The following PRKCB variants were observed in gnomAD, a reference collection of about 807,000 sequenced individuals.
PRKCB encodes protein kinase C beta type.
Under a neutral mutation model 81.5 loss-of-function variants are expected in PRKCB, and 13 were observed. That is an observed-to-expected ratio of 0.16 (90% confidence interval 0.10 to 0.25). The LOEUF (loss-of-function observed/expected upper bound fraction) is 0.25, where lower values mean the gene tolerates loss of function less well. Among genes scored for constraint, PRKCB ranks in the 10% least tolerant of loss-of-function variants. The probability of loss-of-function intolerance (pLI) is 1.00; values close to 1 mark genes in which losing one functional copy is unlikely to be tolerated. For synonymous variants in PRKCB, 335 were observed against 321.4 expected, an observed-to-expected ratio of 1.04 and a Z score of -0.45; for missense variants, 509 against 875.7, an observed-to-expected ratio of 0.58 and a Z score of 5.29.
intron 12 of PRKCB, among the ~76,000 whole-genome samples, chr16:24,180,296 G>A (rs908471274): frequency 2.0e-5 from 3 of 152,126 alleles, no homozygotes; most frequent in African/African-American, 7.2e-5. Context: ...TGTCCTAGAA[G>A]GTGGCCCAAG....
intron 6 of PRKCB, 24 bp from the exon 7 acceptor site, chr16:24,094,139 T>C: frequency 6.2e-7 from 1 of 1,610,500 alleles, no homozygotes; most frequent in Non-Finnish European, 8.5e-7. Context: ...CCTCCACTGA[T>C]GTCTTTTCTT....
chr16:24,062,946 G>T (rs945362759), intron 5 of PRKCB, among the ~76,000 whole-genome samples: 1 of 151,812 alleles, frequency 6.6e-6, no homozygotes, highest in Non-Finnish European at 1.5e-5. Flanking sequence ...TTCTGATTGA[G>T]TTCAAGCAGT....
At chr16:24,187,093 A>G (rs1210945608) in intron 15 of PRKCB, among the ~76,000 whole-genome samples, 2 of 152,242 alleles carry the variant, frequency 1.3e-5, no homozygotes, top group Admixed American at 1.3e-4. Flanking sequence ...AGAAGGTGGT[A>G]CCTGGAGCTT....
chr16:24,049,980 G>A (rs1219789215), intron 5 of PRKCB, among the ~76,000 whole-genome samples: 1 of 152,202 alleles, frequency 6.6e-6, no homozygotes, highest in Admixed American at 6.5e-5. Flanking sequence ...GAGAATCAGA[G>A]GAAGAGCAGT....
chr16:24,047,161 A>G (rs1965777334), intron 5 of PRKCB, among the ~76,000 whole-genome samples: 1 of 150,698 alleles, frequency 6.6e-6, no homozygotes, highest in African/African-American at 2.5e-5. Context: ...ACATAGTGAA[A>G]CCTCATCTCT....
At chr16:23,855,207 C>T (rs767305415) in intron 2 of PRKCB, among the ~76,000 whole-genome samples, 2 of 152,026 alleles carry the variant, frequency 1.3e-5, no homozygotes, top group Non-Finnish European at 2.9e-5. Flanking sequence ...GTTCTTGCAA[C>T]ACAGTGTGGT....
In PRKCB at chr16:23,902,732, C is replaced by CCCTTCCTT. The variant is rs1555483455; in HGVS notation, c.205+65370_205+65377dup. Among the ~76,000 whole-genome samples, 29 of 11,122 alleles carry CCCTTCCTT rather than the reference C, an allele frequency of 2.6e-3. 1 individual carries two copies. The highest frequency in any genetic ancestry group is 3.6e-3 in the Non-Finnish European group (25 of 6,888). 7.3% of individuals were successfully genotyped at this position (11,122 alleles called of 152,430 possible). A position where few individuals can be genotyped will look rare whatever the true frequency, so the allele number is the denominator to read the frequency against. ...AAAGTTTTTCCCTCCCTCCCTTCCTCCCTTCCTTCCTTCCTTCCTTCCTTC... is the reference window on the plus strand; with the variant it reads ...AAAGTTTTTCCCTCCCTCCCTTCCTCCCTTCCTTCCTTCCTTCCTTCCTTCCTTCCTTC... On this transcript the variant is annotated intron_variant, in intron 2 of 16. Coordinates refer to ENST00000643927, the MANE Select transcript of PRKCB (RefSeq NM_002738.7).
chr16:23,866,622 A>G (rs899545499), intron 2 of PRKCB, among the ~76,000 whole-genome samples: 4 of 152,132 alleles, frequency 2.6e-5, no homozygotes, highest in Non-Finnish European at 4.4e-5. Flanking sequence ...GGTTGTGTCT[A>G]TTACAAACAG....
At chr16:24,166,066 T>C (rs1211359630) in intron 10 of PRKCB, among the ~76,000 whole-genome samples, 9 of 151,906 alleles carry the variant, frequency 5.9e-5, no homozygotes, top group Admixed American at 5.2e-4. Flanking sequence ...TTTGTATTTT[T>C]AGTAGAGATA....
intron 2 of PRKCB, among the ~76,000 whole-genome samples, chr16:23,900,067 T>A (rs2141720562): frequency 6.6e-6 from 1 of 152,288 alleles, no homozygotes; most frequent in East Asian, 1.9e-4. Context: ...TTTGGCAATG[T>A]CTGGAGACAT....
At chr16:23,873,421 G>A (rs557584489) in intron 2 of PRKCB, among the ~76,000 whole-genome samples, 2 of 152,042 alleles carry the variant, frequency 1.3e-5, no homozygotes, top group South Asian at 2.1e-4. Context: ...AAGACTTATC[G>A]GGAATGCAGG....
At chr16:23,991,796 A>G (rs1279152128) in intron 3 of PRKCB, among the ~76,000 whole-genome samples, 1 of 152,176 alleles carries the variant, frequency 6.6e-6, no homozygotes, top group African/African-American at 2.4e-5. Flanking sequence ...CTTATATCTT[A>G]TCAGTGCTGC....
Position 24,180,829 on chromosome 16 carries a change from A to G in PRKCB, c.1434A>G (p.Gly478=). The change falls in exon 13 of 17, where the codon GGA becomes GGG. Residue 478 remains glycine, a synonymous_variant. Coordinates refer to ENST00000643927, the MANE Select transcript of PRKCB (RefSeq NM_002738.7). ...KLDNVMLDSE[G]HIKIADFGMC... ...ACAACGTGATGCTCGATTCTGAGGG[A>G]CACATCAAGATTGCCGATTTTGGCA... 1 of 1,614,210 alleles carries G rather than the reference A, an allele frequency of 6.2e-7. No homozygotes were observed. Among genetic ancestry groups the G allele is most frequent in the Non-Finnish European group, 8.5e-7 (1 of 1,180,024 alleles).
At position 23,868,145 on chromosome 16, in the gene PRKCB, T is replaced by C. The variant is rs544970403; in HGVS notation, c.205+30739T>C. Among the ~76,000 whole-genome samples, 74 of 152,296 alleles carry C rather than the reference T, an allele frequency of 4.9e-4. No individual in the cohort carries two copies. The South Asian group carries it at 0.012, about 24-fold the overall frequency. ...CCAATGTAGCCATGGTCCACATCCA[T>C]TTATCACTTTCAGAAATGGCCCCTG... On this transcript the variant is annotated intron_variant, in intron 2 of 16. Coordinates refer to ENST00000643927, the MANE Select transcript of PRKCB (RefSeq NM_002738.7).
At chr16:24,047,201 G>T (rs1208305239) in intron 5 of PRKCB, among the ~76,000 whole-genome samples, 1 of 151,930 alleles carries the variant, frequency 6.6e-6, no homozygotes, top group African/African-American at 2.4e-5. Flanking sequence ...AATTAGCTGG[G>T]CGTGGTGGTG....
chr16:24,120,201 C>T (rs1966783344), intron 8 of PRKCB, among the ~76,000 whole-genome samples: 2 of 151,680 alleles, frequency 1.3e-5, no homozygotes, highest in Non-Finnish European at 2.9e-5. Context: ...GCGGGGGTTG[C>T]GGGGGGCGTC....
intron 2 of PRKCB, among the ~76,000 whole-genome samples, chr16:23,850,529 C>A (rs779924141): frequency 1.8e-4 from 27 of 152,050 alleles, no homozygotes; most frequent in Non-Finnish European, 3.8e-4. Context: ...CCACGCCTGG[C>A]TAATTTTGTA....
At chr16:24,196,188 T>C (rs1548384) in intron 16 of PRKCB, among the ~76,000 whole-genome samples, 32,224 of 152,124 alleles carry the variant, frequency 0.21, 3,724 homozygotes, top group African/African-American at 0.28. Context: ...GTGCCTAGCA[T>C]AGGGTTTAGC....
chr16:23,854,962 T>C (rs989267053), intron 2 of PRKCB, among the ~76,000 whole-genome samples: 5 of 152,140 alleles, frequency 3.3e-5, no homozygotes, highest in African/African-American at 1.2e-4. Context: ...CCAGATGAGA[T>C]GCTGTATGCA....
Sources: allele counts gnomAD v4.1 joint callset (sites outside exome capture counted in the v4.1 genomes callset), GRCh38; gene constraint gnomAD v4.1.1; transcripts MANE v1.5; gene names NCBI Gene and HGNC (gene_info 2026-07-23, HGNC 2026-07-21).